BRF1: variants seen among roughly 807,000 people sequenced by gnomAD.
BRF1 encodes transcription factor IIIB 90 kDa subunit.
A neutral mutation model predicts 81.7 loss-of-function variants in BRF1; 59 were observed. The ratio of observed to expected loss-of-function variants is 0.72; its 90% confidence interval spans 0.59 to 0.90. The LOEUF is 0.90. BRF1 is among the 40% of genes least tolerant of loss of function. BRF1 has a pLI of 0.00. For synonymous variants in BRF1, 491 were observed against 395.6 expected (o/e 1.24, Z -2.86); for missense variants, 1,050 against 936.3 (o/e 1.12, Z -1.58).
intron 2 of BRF1, among the ~76,000 whole-genome samples, chr14:105,280,503 C>T (rs2057026901): frequency 1.3e-5 from 2 of 152,264 alleles, no homozygotes; most frequent in South Asian, 4.1e-4. Flanking sequence ...CCAGCGTGAG[C>T]CTGGGTGTGT....
chr14:105,223,049 T>A (rs587677727), intron 10 of BRF1, among the ~76,000 whole-genome samples: 1 of 152,092 alleles, frequency 6.6e-6, no homozygotes. Context: ...AAAAATTATC[T>A]GGGTGTGGTG....
At chr14:105,274,260 G>T (rs143973117) in intron 2 of BRF1, among the ~76,000 whole-genome samples, 1 of 152,044 alleles carries the variant, frequency 6.6e-6, no homozygotes, top group Non-Finnish European at 1.5e-5. Flanking sequence ...CTCTCCTGCC[G>T]CATTCTTCTT....
At position 105,269,886 on chromosome 14, in the gene BRF1, A is replaced by G. The variant is rs188983453; in HGVS notation, c.439+2835T>C. 5.3e-5 allele frequency among the ~76,000 whole-genome samples: 8 copies of G among 152,184 alleles called. No individual in the cohort carries two copies. In the East Asian group the frequency reaches 1.2e-3, roughly 22 times the overall value. ...CAGTCCCCACACAGCTCCTACAAAC[A>G]CAAGGGAGGCAGGGCCATGGGCTGA... On this transcript the variant is annotated intron_variant, in intron 3 of 17. Coordinates refer to ENST00000547530, the MANE Select transcript of BRF1 (RefSeq NM_001519.4). The surrounding 1 kb of genome is among the most constrained non-coding windows in gnomAD (Gnocchi z 5.0).
intron 15 of BRF1, among the ~76,000 whole-genome samples, chr14:105,215,411 T>C (rs1890958642): frequency 6.6e-6 from 1 of 151,622 alleles, no homozygotes; most frequent in African/African-American, 2.4e-5. Flanking sequence ...CTTACACACA[T>C]GCACACACAC....
chr14:105,313,445 A>G (rs916586192), intron 1 of BRF1, among the ~76,000 whole-genome samples: 1 of 152,222 alleles, frequency 6.6e-6, no homozygotes, highest in Admixed American at 6.5e-5. Context: ...ACCACCTTAG[A>G]GGAGCCAGGG....
intron 1 of BRF1, among the ~76,000 whole-genome samples, chr14:105,312,684 G>A (rs1177950967): frequency 6.6e-6 from 1 of 152,218 alleles, no homozygotes; most frequent in African/African-American, 2.4e-5. Context: ...CGACAGAGGA[G>A]GGCAGTGCAA....
intron 1 of BRF1, among the ~76,000 whole-genome samples, chr14:105,311,401 G>A (rs1301267033): frequency 1.3e-5 from 2 of 152,108 alleles, no homozygotes; most frequent in South Asian, 2.1e-4. Context: ...TCACAGATGC[G>A]CACCACCATG....
At chr14:105,229,409 A>G (rs1460090434) in intron 6 of BRF1, among the ~76,000 whole-genome samples, 2 of 152,238 alleles carry the variant, frequency 1.3e-5, no homozygotes, top group African/African-American at 4.8e-5. Context: ...CCTGCAGCGC[A>G]GGGATGCCGG....
chr14:105,219,518 G>A (rs1891905753), intron 12 of BRF1: 2 of 575,884 alleles, frequency 3.5e-6, no homozygotes, highest in East Asian at 5.8e-5. Flanking sequence ...CCAGAGTGCA[G>A]GCCACAGGTT....
chr14:105,246,820 T>A (rs964036833), intron 5 of BRF1: 38 of 985,294 alleles, frequency 3.9e-5, no homozygotes, highest in Non-Finnish European at 4.6e-5. Flanking sequence ...ATGAAAATTA[T>A]TATTCACATG....
At position 105,309,673 on chromosome 14, in the gene BRF1, C is replaced by G. The variant is rs1481308428; in HGVS notation, c.-162+5649G>C. Reference sequence around the variant, plus strand: ...GGGAGCTGCGCTGCCTGCGCCCAACCCAGGAGGGGAGCAGCGTGCAGGACA... The same window carrying G: ...GGGAGCTGCGCTGCCTGCGCCCAACGCAGGAGGGGAGCAGCGTGCAGGACA... On this transcript the variant is annotated intron_variant, in intron 1 of 17. Transcript: ENST00000327359. The surrounding 1 kb of genome is among the most constrained non-coding windows in gnomAD (Gnocchi z 4.0). Among the ~76,000 whole-genome samples the G allele has an allele frequency of 1.3e-5, 2 of 152,166 alleles. No homozygotes were observed.
rs1194404964 is a variant in BRF1 at position 105,228,814 on chromosome 14, C to T, written c.788+6G>A. On this transcript the variant is annotated splice_donor_region_variant and intron_variant, in intron 7 of 17. Coordinates refer to ENST00000547530, the MANE Select transcript of BRF1 (RefSeq NM_001519.4). ...GGTCCCCATGCCATGAATGAGAGCC[C>T]CTCACCTCTTCCGCAGCGTGGACTC... The T allele has an allele frequency of 6.2e-7, 1 of 1,613,784 alleles. No individual in the cohort carries two copies. Among genetic ancestry groups the T allele is most frequent in the South Asian group, 1.1e-5 (1 of 91,076 alleles).
chr14:105,228,604 C>A (rs913576966), intron 7 of BRF1, among the ~76,000 whole-genome samples: 2 of 151,916 alleles, frequency 1.3e-5, no homozygotes, highest in East Asian at 1.9e-4. Context: ...ATAGGGCCGG[C>A]CCCAGAAGGA....
At chr14:105,229,450 T>C (rs1013655398) in intron 6 of BRF1, among the ~76,000 whole-genome samples, 14 of 152,284 alleles carry the variant, frequency 9.2e-5, no homozygotes, top group African/African-American at 2.9e-4. Flanking sequence ...GTGGACTCTG[T>C]GGGCACGAGG....
In BRF1 at chr14:105,296,925, G is replaced by GT. The variant is rs374599001; in HGVS notation, c.184+3520dup. On this transcript the variant is annotated intron_variant, in intron 1 of 17. Transcript: ENST00000547530. ...AATTCCAGCACTTTGAGAGGCTGAA[G>GT]TGGGGGGGGATCACTTGAGGTCAGG... Among the ~76,000 whole-genome samples the GT allele has an allele frequency of 7.0e-3, 1,069 of 152,224 alleles. 7 individuals are homozygous for GT. The highest frequency in any genetic ancestry group is 0.015 in the East Asian group (76 of 5,186).
intron 5 of BRF1, chr14:105,248,760 ACCT>A (rs2140278220): frequency 7.1e-6 from 7 of 979,610 alleles, no homozygotes; most frequent in Non-Finnish European, 8.4e-6. Context: ...TCAGTGCCTG[ACCT>A]CCTTGCTTTT....
At chr14:105,275,696 T>C (rs986539539) in intron 2 of BRF1, among the ~76,000 whole-genome samples, 10 of 152,340 alleles carry the variant, frequency 6.6e-5, no homozygotes, top group Admixed American at 1.3e-4. Flanking sequence ...AGGCACCAGC[T>C]CGTGTTCCCA....
rs1004459676 is a variant in BRF1 at position 105,228,960 on chromosome 14, G to A, written c.695-47C>T. The A allele has an allele frequency of 8.9e-6, 14 of 1,572,116 alleles. No individual in the cohort carries two copies. In the African/African-American group the frequency reaches 1.8e-4, roughly 20 times the overall value. On this transcript the variant is annotated intron_variant, in intron 6 of 17. Transcript: ENST00000547530. ...CTCGTCAACCACGGCTGGGAACCAG[G>A]GCAACATCTGTGGCGGCCCAGGACA... is the stretch of plus-strand genomic sequence containing the variant.
At position 105,210,103 on chromosome 14, in the gene BRF1, G is replaced by C. The variant is rs960450997; in HGVS notation, c.*448C>G. 10 of 216,190 alleles carry C rather than the reference G, an allele frequency of 4.6e-5. No individual in the cohort carries two copies. In the East Asian group the frequency reaches 1.2e-3, roughly 26 times the overall value. 13.4% of individuals were successfully genotyped at this position (216,190 alleles called of 1,614,324 possible). Reference sequence around the variant, plus strand: ...CACTCTGGCAGAGGCTGCTGGCGCCGAGTGCTGCTCAGGAGGGGACGGTGC... The same window carrying C: ...CACTCTGGCAGAGGCTGCTGGCGCCCAGTGCTGCTCAGGAGGGGACGGTGC... On this transcript the variant is annotated 3_prime_UTR_variant, in exon 18 of 18. Transcript: ENST00000547530. This position sits in a 1 kb window ranked among gnomAD's most constrained non-coding sequence, Gnocchi z 4.7.
Sources: allele counts gnomAD v4.1 joint callset (sites outside exome capture counted in the v4.1 genomes callset), GRCh38; gene constraint gnomAD v4.1.1; non-coding constraint Gnocchi (gnomAD v3.1); transcripts MANE v1.5; gene names NCBI Gene and HGNC (gene_info 2026-07-23, HGNC 2026-07-21).